SHTN1: variants seen among roughly 807,000 people sequenced by gnomAD.
The protein encoded by SHTN1 is shootin 1, also known as shootin-1.
A neutral mutation model predicts 83.1 loss-of-function variants in SHTN1; 42 were observed. That is an observed-to-expected ratio of 0.51 (90% CI 0.39 to 0.65). The LOEUF is 0.65. Ranked by LOEUF, SHTN1 falls within the 30% of genes least tolerant of loss-of-function variation. The pLI is 0.00. For missense variants in SHTN1, 622 were observed against 737.8 expected (o/e 0.84, Z 1.82); for synonymous variants, 224 against 247.7 (o/e 0.90, Z 0.90).
chr10:117,037,308 C>T (rs1852512540), intron 2 of SHTN1, among the ~76,000 whole-genome samples: 1 of 152,080 alleles, frequency 6.6e-6, no homozygotes, highest in South Asian at 2.1e-4. Context: ...ATACTATTTA[C>T]ATTAGCACTC....
intron 4 of SHTN1, among the ~76,000 whole-genome samples, chr10:116,956,874 T>C (rs1849999921): frequency 6.6e-6 from 1 of 152,172 alleles, no homozygotes; most frequent in African/African-American, 2.4e-5. Flanking sequence ...CATTTTCGCA[T>C]TTTGAAAGAA....
At chr10:116,903,221 T>C (rs1175336713) in intron 15 of SHTN1, among the ~76,000 whole-genome samples, 1 of 152,156 alleles carries the variant, frequency 6.6e-6, no homozygotes, top group African/African-American at 2.4e-5. Flanking sequence ...TTGGACATTA[T>C]TGGATATTTT....
chr10:117,085,772 T>G (rs1288943975), intron 1 of SHTN1, among the ~76,000 whole-genome samples: 1 of 152,190 alleles, frequency 6.6e-6, no homozygotes, highest in Admixed American at 6.5e-5. Flanking sequence ...GTTCTCTCAG[T>G]TTTTGCCTCA....
At chr10:117,074,901 T>C (rs897672254) in intron 1 of SHTN1, among the ~76,000 whole-genome samples, 2 of 152,156 alleles carry the variant, frequency 1.3e-5, no homozygotes, top group African/African-American at 4.8e-5. Context: ...GCTAAGGCTC[T>C]ATACTTGAGG....
At chr10:116,954,697 G>C (rs138301261) in intron 4 of SHTN1, among the ~76,000 whole-genome samples, 1 of 152,092 alleles carries the variant, frequency 6.6e-6, no homozygotes, top group Admixed American at 6.6e-5. Flanking sequence ...TGGCCACAGC[G>C]AATTAGTCCA....
chr10:116,916,844 C>A (rs1848401232), intron 12 of SHTN1, among the ~76,000 whole-genome samples: 1 of 152,202 alleles, frequency 6.6e-6, no homozygotes, highest in Non-Finnish European at 1.5e-5. Context: ...ACCGTCCTAA[C>A]TTCAAAGAGA....
intron 12 of SHTN1, among the ~76,000 whole-genome samples, chr10:116,920,977 G>T (rs1848542732): frequency 6.6e-6 from 1 of 152,070 alleles, no homozygotes; most frequent in Non-Finnish European, 1.5e-5. Flanking sequence ...CTCTTTAATT[G>T]TATTTAAATA....
At position 116,967,909 on chromosome 10, in the gene SHTN1, C is replaced by T. The variant is rs578241728; in HGVS notation, c.172+743G>A. Among the ~76,000 whole-genome samples, 16 of 152,228 alleles carry T rather than the reference C, an allele frequency of 1.1e-4. No individual in the cohort carries two copies. The East Asian group carries it at 1.4e-3, about 13-fold the overall frequency. On this transcript the variant is annotated intron_variant, in intron 3 of 16. Coordinates refer to ENST00000355371, the MANE Select transcript of SHTN1 (RefSeq NM_001127211.3). ...CATTAAAACTGATGTACAGGCTGGG[C>T]GCAGTGGCTCCCGCCTGTAATTCCA...
chr10:117,030,152 G>T (rs552452339), intron 2 of SHTN1, among the ~76,000 whole-genome samples: 6 of 152,122 alleles, frequency 3.9e-5, no homozygotes, highest in Admixed American at 3.9e-4. Context: ...CTCCCAAAGT[G>T]CTGGGATTAC....
intron 1 of SHTN1, among the ~76,000 whole-genome samples, chr10:117,111,164 C>T (rs1489684235): frequency 1.3e-5 from 2 of 152,000 alleles, no homozygotes; most frequent in Non-Finnish European, 2.9e-5. Flanking sequence ...TGCCACTGCT[C>T]TCCAGCCTGG....
intron 1 of SHTN1, among the ~76,000 whole-genome samples, chr10:117,109,390 C>T (rs1054211882): frequency 6.6e-6 from 1 of 151,898 alleles, no homozygotes; most frequent in African/African-American, 2.4e-5. Flanking sequence ...TCCCTCAATA[C>T]AGAGTATCTT....
chr10:116,887,330 T>C (rs1399219080), intron 16 of SHTN1, among the ~76,000 whole-genome samples: 1 of 152,202 alleles, frequency 6.6e-6, no homozygotes, highest in Non-Finnish European at 1.5e-5. Flanking sequence ...TGGGAACAGA[T>C]ATCTCTGAAA....
intron 2 of SHTN1, among the ~76,000 whole-genome samples, chr10:117,027,216 C>T (rs1338258960): frequency 1.3e-5 from 2 of 152,036 alleles, no homozygotes; most frequent in Admixed American, 6.6e-5. Context: ...TTGGAGGTGA[C>T]TGGCTCATGG....
chr10:116,899,225 G>A (rs1444858930), intron 16 of SHTN1, among the ~76,000 whole-genome samples: 1 of 152,140 alleles, frequency 6.6e-6, no homozygotes, highest in Non-Finnish European at 1.5e-5. Context: ...AATAAATAAA[G>A]TATATAGTAA....
chr10:117,103,124 C>T (rs1853618874), intron 1 of SHTN1, among the ~76,000 whole-genome samples: 1 of 152,166 alleles, frequency 6.6e-6, no homozygotes, highest in African/African-American at 2.4e-5. Flanking sequence ...GAGTCTTGCT[C>T]TGTCACCCAG....
At chr10:117,007,709 G>A (rs1852044395), upstream of SHTN1, among the ~76,000 whole-genome samples, 1 of 151,880 alleles carries the variant, frequency 6.6e-6, no homozygotes, top group African/African-American at 2.4e-5. Flanking sequence ...AATATTGATG[G>A]AAAGGATAGA....
intron 1 of SHTN1, among the ~76,000 whole-genome samples, chr10:117,090,115 T>C (rs1853407697): frequency 6.6e-6 from 1 of 152,202 alleles, no homozygotes; most frequent in South Asian, 2.1e-4. Flanking sequence ...CCCATGTTCA[T>C]GTTCATAGCA....
At chr10:117,005,324 G>T (rs542967384), upstream of SHTN1, 2 of 1,341,380 alleles carry the variant, frequency 1.5e-6, no homozygotes. Context: ...CCGTTCAGGG[G>T]GTGGAGGAAC....
rs1852991085 is a variant in SHTN1 at position 117,065,856 on chromosome 10, A to AG, written c.-188-17347dup. 7.8e-4 allele frequency among the ~76,000 whole-genome samples: 29 copies of AG among 37,060 alleles called. 2 individuals carry two copies. The highest frequency in any genetic ancestry group is 3.7e-3 in the African/African-American group (28 of 7,480). 24.3% of individuals were successfully genotyped at this position (37,060 alleles called of 152,430 possible). On this transcript the variant is annotated intron_variant, in intron 1 of 17. Transcript: ENST00000392901. The stretch of plus-strand genomic sequence containing the variant: ...AGGAAGGAAGGAAGGAAGGAAGGAA[A>AG]GGAGGGAGGGAGGGAGGGAGGGAGG...
Sources: allele counts gnomAD v4.1 joint callset (sites outside exome capture counted in the v4.1 genomes callset), GRCh38; gene constraint gnomAD v4.1.1; transcripts MANE v1.5; gene names NCBI Gene and HGNC (gene_info 2026-07-23, HGNC 2026-07-21).